The following NCALD variants were observed in gnomAD, a reference collection of about 807,000 sequenced individuals.
The protein encoded by NCALD is neurocalcin delta.
In NCALD, 10 loss-of-function variants were observed where a neutral mutation model predicts 18.6. That is an observed-to-expected ratio of 0.54 (90% CI 0.33 to 0.91). The LOEUF (loss-of-function observed/expected upper bound fraction) is 0.91. Among genes scored for constraint, NCALD ranks in the 40% least tolerant of loss-of-function variants. The pLI, the probability that NCALD is intolerant of heterozygous loss-of-function variation, is 0.03. For missense variants in NCALD, 184 were observed against 247.6 expected, an observed-to-expected ratio of 0.74 and a Z score of 1.72; for synonymous variants, 88 against 87.4, an observed-to-expected ratio of 1.01 and a Z score of -0.04.
At chr8:101,692,353 A>G in intron 3 of NCALD, 1 of 985,366 alleles carries the variant, frequency 1.0e-6, no homozygotes, top group South Asian at 4.7e-5. Flanking sequence ...GGAGACCCCA[A>G]CAAAACCCCT....
intron 1 of NCALD, among the ~76,000 whole-genome samples, chr8:102,022,527 G>T (rs1489534289): frequency 6.6e-6 from 1 of 152,154 alleles, no homozygotes; most frequent in African/African-American, 2.4e-5. Context: ...AATGTAGGGG[G>T]ATTCTGTTTT....
intron 1 of NCALD, among the ~76,000 whole-genome samples, chr8:101,768,658 G>A (rs529061687): frequency 8.0e-5 from 12 of 149,636 alleles, no homozygotes; most frequent in African/African-American, 2.0e-4. Flanking sequence ...GCAATGAACT[G>A]AGATCGTGCA....
chr8:102,031,611 G>A (rs1476473674), intron 1 of NCALD, among the ~76,000 whole-genome samples: 1 of 152,122 alleles, frequency 6.6e-6, no homozygotes, highest in African/African-American at 2.4e-5. Context: ...TTTAAAAAGA[G>A]TAAAGAAAAA....
chr8:101,976,721 A>G (rs1205008407), intron 2 of NCALD, among the ~76,000 whole-genome samples: 1 of 152,182 alleles, frequency 6.6e-6, no homozygotes, highest in East Asian at 1.9e-4. Flanking sequence ...CTAAGCTCCT[A>G]CTATGTGTCA....
chr8:101,722,614 T>C (rs1172542393), intron 1 of NCALD, among the ~76,000 whole-genome samples: 4 of 152,238 alleles, frequency 2.6e-5, no homozygotes, highest in Non-Finnish European at 5.9e-5. Context: ...CTCCAATGTA[T>C]AAAGCACTGT....
chr8:101,869,952 T>C (rs905386774), intron 4 of NCALD, among the ~76,000 whole-genome samples: 2 of 152,324 alleles, frequency 1.3e-5, no homozygotes, highest in East Asian at 3.9e-4. Flanking sequence ...TTGACAAGCT[T>C]CAAACCAAAT....
At chr8:101,849,634 T>C (rs1321948852) in intron 4 of NCALD, among the ~76,000 whole-genome samples, 1 of 152,178 alleles carries the variant, frequency 6.6e-6, no homozygotes, top group African/African-American at 2.4e-5. Context: ...GGTAGTAACT[T>C]GCCTGGCTGT....
intron 2 of NCALD, among the ~76,000 whole-genome samples, chr8:101,962,578 T>C (rs1159769735): frequency 3.3e-5 from 5 of 152,172 alleles, no homozygotes; most frequent in Admixed American, 3.3e-4. Context: ...CCTAGACCAG[T>C]AGCAATGGCA....
chr8:102,024,729 T>A (rs1164636367), intron 1 of NCALD, among the ~76,000 whole-genome samples: 1 of 152,220 alleles, frequency 6.6e-6, no homozygotes, highest in African/African-American at 2.4e-5. Context: ...ATTGGACAAC[T>A]GCAAGATCCT....
chr8:101,855,842 C>T (rs1367830964), intron 4 of NCALD, among the ~76,000 whole-genome samples: 2 of 152,202 alleles, frequency 1.3e-5, no homozygotes, highest in Non-Finnish European at 2.9e-5. Context: ...AGCTCAATCT[C>T]TTAACATAGC....
chr8:101,809,367 G>T (rs934400029), intron 4 of NCALD, among the ~76,000 whole-genome samples: 2 of 152,108 alleles, frequency 1.3e-5, no homozygotes, highest in Non-Finnish European at 2.9e-5. Flanking sequence ...TTCTCAGAGA[G>T]AAAGAGTTTC....
At chr8:102,046,797 C>CTTTTTTTTTTTTTTTT (rs111776091) in intron 1 of NCALD, among the ~76,000 whole-genome samples, 1 of 142,430 alleles carries the variant, frequency 7.0e-6, no homozygotes. Flanking sequence ...GTTTTTTTTC[C>CTTTTTTTTTTTTTTTT]TTTTTTTTTT....
intron 1 of NCALD, chr8:102,123,639 G>A (rs1451131572): frequency 6.6e-6 from 1 of 152,410 alleles, no homozygotes; most frequent in East Asian, 1.9e-4. Context: ...TCGAGCGCAA[G>A]GGACACGAAT....
At chr8:101,907,886 T>C (rs7828198) in intron 3 of NCALD, among the ~76,000 whole-genome samples, 31,907 of 152,160 alleles carry the variant, frequency 0.21, 4,505 homozygotes, top group African/African-American at 0.41. Flanking sequence ...CAGTTGGTCA[T>C]AAGTTCATAA....
chr8:102,047,737 G>C (rs74794198), intron 1 of NCALD, among the ~76,000 whole-genome samples: 16,795 of 152,014 alleles, frequency 0.11, 1,125 homozygotes, highest in African/African-American at 0.19. Flanking sequence ...TTACTTCTAC[G>C]GACAATCTTA....
At chr8:101,705,822 C>T (rs141925316) in intron 2 of NCALD, among the ~76,000 whole-genome samples, 33 of 152,280 alleles carry the variant, frequency 2.2e-4, no homozygotes, top group African/African-American at 6.5e-4. Context: ...CAGGCAATTT[C>T]GAGCCACCCC....
intron 4 of NCALD, among the ~76,000 whole-genome samples, chr8:101,824,292 G>A (rs1813840916): frequency 6.6e-6 from 1 of 152,110 alleles, no homozygotes; most frequent in Non-Finnish European, 1.5e-5. Flanking sequence ...CCAGGGTCCT[G>A]ATGGGGCCCA....
intron 4 of NCALD, among the ~76,000 whole-genome samples, chr8:101,840,715 G>T (rs968659254): frequency 6.6e-6 from 1 of 152,160 alleles, no homozygotes; most frequent in Non-Finnish European, 1.5e-5. Context: ...GTAGATATGT[G>T]TGCCTATCAC....
intron 1 of NCALD, among the ~76,000 whole-genome samples, chr8:101,773,334 G>A (rs1174486638): frequency 1.3e-5 from 2 of 152,130 alleles, no homozygotes; most frequent in African/African-American, 4.8e-5. Flanking sequence ...TTCTCTCCCT[G>A]TTCCTCTGCC....
Sources: allele counts gnomAD v4.1 joint callset (sites outside exome capture counted in the v4.1 genomes callset), GRCh38; gene constraint gnomAD v4.1.1; transcripts MANE v1.5; gene names NCBI Gene and HGNC (gene_info 2026-07-23, HGNC 2026-07-21).